ZNF892: variants seen among roughly 807,000 people sequenced by gnomAD.
The protein encoded by ZNF892 is zinc finger protein 570-like.
chr2:95,248,437 G>A, the ZNF892 span, among the ~76,000 whole-genome samples: 1 of 152,138 alleles, frequency 6.6e-6, no homozygotes, highest in African/African-American at 2.4e-5. Flanking sequence ...CCAAACCTCA[G>A]CATCATGGAA....
the ZNF892 span, among the ~76,000 whole-genome samples, chr2:95,219,267 A>G: frequency 4.6e-5 from 7 of 151,848 alleles, no homozygotes; most frequent in African/African-American, 1.5e-4. Context: ...CGGCCTCCCA[A>G]AGTGCTGGGA....
the ZNF892 span, among the ~76,000 whole-genome samples, chr2:95,239,202 A>C: frequency 6.6e-6 from 1 of 152,106 alleles, no homozygotes; most frequent in Non-Finnish European, 1.5e-5. Flanking sequence ...ATTGTTGCCA[A>C]TCTCATGGTA....
At chr2:95,234,436 GGAA>G in the ZNF892 span, among the ~76,000 whole-genome samples, 1 of 152,224 alleles carries the variant, frequency 6.6e-6, no homozygotes, top group Non-Finnish European at 1.5e-5. Context: ...CACTCACCCT[GGAA>G]GAAGGAGTGC....
chr2:95,207,546 C>T, the ZNF892 span: 2 of 356,440 alleles, frequency 5.6e-6, no homozygotes, highest in East Asian at 8.3e-5. Context: ...TTGGCCGGCG[C>T]TAGGCGTCCC....
chr2:95,248,305 A>G, the ZNF892 span, among the ~76,000 whole-genome samples: 1 of 152,210 alleles, frequency 6.6e-6, no homozygotes, highest in Non-Finnish European at 1.5e-5. Context: ...GGACACACAG[A>G]TGAAAACAAT....
chr2:95,251,888 A>G, the ZNF892 span, among the ~76,000 whole-genome samples: 1 of 152,248 alleles, frequency 6.6e-6, no homozygotes, highest in African/African-American at 2.4e-5. Flanking sequence ...CTGTGGATCA[A>G]TGACCAGTGG....
At chr2:95,232,003 C>G in the ZNF892 span, 1 of 152,166 alleles carries the variant, frequency 6.6e-6, no homozygotes, top group Non-Finnish European at 1.5e-5. Context: ...AAAATTATAT[C>G]TGGGGCACAA....
chr2:95,208,292 A>G, the ZNF892 span, among the ~76,000 whole-genome samples: 3 of 152,192 alleles, frequency 2.0e-5, no homozygotes, highest in African/African-American at 7.2e-5. Flanking sequence ...CAGTGTTCAA[A>G]AAGAATTTAG....
chr2:95,238,748 C>G, the ZNF892 span, among the ~76,000 whole-genome samples: 3 of 152,212 alleles, frequency 2.0e-5, no homozygotes, highest in South Asian at 6.2e-4. Context: ...TTGGAAGAAG[C>G]TGATTTCAGC....
At chr2:95,230,154 T>A in the ZNF892 span, among the ~76,000 whole-genome samples, 1 of 152,014 alleles carries the variant, frequency 6.6e-6, no homozygotes, top group Admixed American at 6.6e-5. Context: ...CACTTATAAG[T>A]GGGAGCTAAG....
chr2:95,230,431 G>A, the ZNF892 span, among the ~76,000 whole-genome samples: 1 of 152,180 alleles, frequency 6.6e-6, no homozygotes, highest in African/African-American at 2.4e-5. Context: ...ACTTTTTCAA[G>A]TATTTATTGG....
At chr2:95,217,525 A>G in the ZNF892 span, among the ~76,000 whole-genome samples, 17 of 152,208 alleles carry the variant, frequency 1.1e-4, no homozygotes, top group Non-Finnish European at 2.1e-4. Flanking sequence ...CTGAGGCAAA[A>G]TTACTCTGCA....
the ZNF892 span, among the ~76,000 whole-genome samples, chr2:95,215,983 G>A: frequency 6.6e-6 from 1 of 152,280 alleles, no homozygotes; most frequent in South Asian, 2.1e-4. Context: ...GAAGTTGCAT[G>A]GGTAGAAAAA....
chr2:95,256,689 C>T, the ZNF892 span, among the ~76,000 whole-genome samples: 1 of 152,196 alleles, frequency 6.6e-6, no homozygotes, highest in Non-Finnish European at 1.5e-5. Flanking sequence ...TTCCATTCTC[C>T]CTGTCACTTT....
the ZNF892 span, among the ~76,000 whole-genome samples, chr2:95,244,079 A>C: frequency 4.0e-4 from 60 of 150,822 alleles, no homozygotes; most frequent in Non-Finnish European, 7.2e-4. Flanking sequence ...TGCTGTATCC[A>C]CTCAGGGTTG....
chr2:95,242,459 C>T, the ZNF892 span, among the ~76,000 whole-genome samples: 1 of 152,202 alleles, frequency 6.6e-6, no homozygotes, highest in Non-Finnish European at 1.5e-5. Context: ...AATTCATCAC[C>T]ACCAGGCCTG....
At chr2:95,234,401 C>G in the ZNF892 span, among the ~76,000 whole-genome samples, 2 of 152,202 alleles carry the variant, frequency 1.3e-5, no homozygotes, top group Admixed American at 6.5e-5. Context: ...GGTCTAAGAC[C>G]TTCATTTCAG....
the ZNF892 span, among the ~76,000 whole-genome samples, chr2:95,238,562 A>G: frequency 1.3e-5 from 2 of 152,218 alleles, no homozygotes; most frequent in African/African-American, 4.8e-5. Flanking sequence ...TTCAACTTTC[A>G]AGCCTTACTA....
At chr2:95,239,916 C>T in the ZNF892 span, among the ~76,000 whole-genome samples, 2 of 152,160 alleles carry the variant, frequency 1.3e-5, no homozygotes, top group Non-Finnish European at 2.9e-5. Flanking sequence ...GGGTATGAGC[C>T]ACTGTGTCTG....
Sources: gnomAD v4.1 joint callset for allele counts (sites outside exome capture counted in the v4.1 genomes callset) on GRCh38, gnomAD v4.1.1 for gene constraint, MANE v1.5 for transcripts, NCBI Gene and HGNC (gene_info 2026-07-23, HGNC 2026-07-21) for gene names.